Variants in NFATC1 observed in about 807,000 individuals in gnomAD.
NFATC1 encodes the protein nuclear factor of activated T cells 1, also known as nuclear factor of activated T-cells, cytoplasmic 1.
NFATC1 carries 22 observed loss-of-function variants against 76.0 expected under a neutral mutation model. That is an observed-to-expected ratio of 0.29 (90% CI 0.21 to 0.41). The LOEUF (loss-of-function observed/expected upper bound fraction) is 0.41. Among genes scored for constraint, NFATC1 ranks in the 10% least tolerant of loss-of-function variants. The probability of loss-of-function intolerance (pLI) is 1.00; values close to 1 mark genes in which losing one functional copy is unlikely to be tolerated. For synonymous variants in NFATC1, 704 were observed against 613.1 expected, an observed-to-expected ratio of 1.15 and a Z score of -2.19; for missense variants, 1,357 against 1,337.7, an observed-to-expected ratio of 1.01 and a Z score of -0.23.
intron 9 of NFATC1, among the ~76,000 whole-genome samples, chr18:79,494,308 C>G (rs1600919502): frequency 7.0e-6 from 1 of 142,788 alleles, no homozygotes; most frequent in Non-Finnish European, 1.5e-5. Flanking sequence ...CGGGCACACG[C>G]CCCCCATGAA....
At chr18:79,404,587 C>G (rs58704709) in intron 1 of NFATC1, among the ~76,000 whole-genome samples, 1 of 152,304 alleles carries the variant, frequency 6.6e-6, no homozygotes, top group African/African-American at 2.4e-5. Context: ...GGGGGTCGAC[C>G]TGTGGTTCAG....
intron 2 of NFATC1, among the ~76,000 whole-genome samples, chr18:79,428,421 C>T (rs765055880): frequency 5.9e-5 from 9 of 152,190 alleles, no homozygotes; most frequent in Non-Finnish European, 2.9e-5. Context: ...GTGGGTGAGC[C>T]GGACCCATTG....
intron 9 of NFATC1, among the ~76,000 whole-genome samples, chr18:79,489,473 C>G (rs1022220255): frequency 6.6e-6 from 1 of 152,226 alleles, no homozygotes; most frequent in Non-Finnish European, 1.5e-5. Context: ...AGCTGTAAAG[C>G]AGTCGCTCAC....
intron 1 of NFATC1, chr18:79,400,149 G>C: frequency 9.8e-7 from 1 of 1,024,640 alleles, no homozygotes; most frequent in East Asian, 6.0e-5. Flanking sequence ...GGGGGCGGGG[G>C]CGGGGGGGAC....
intron 9 of NFATC1, among the ~76,000 whole-genome samples, chr18:79,512,423 C>A (rs1366256325): frequency 6.6e-6 from 1 of 152,188 alleles, no homozygotes; most frequent in African/African-American, 2.4e-5. Flanking sequence ...ACACCCCGAA[C>A]TTTTGCTTTG....
intron 9 of NFATC1, among the ~76,000 whole-genome samples, chr18:79,502,875 G>A (rs1485391685): frequency 6.6e-6 from 1 of 152,210 alleles, no homozygotes; most frequent in Non-Finnish European, 1.5e-5. Flanking sequence ...GCTGGCAGGA[G>A]TGTAACATGG....
At chr18:79,476,715 G>A (rs888919454) in intron 8 of NFATC1, among the ~76,000 whole-genome samples, 1 of 152,228 alleles carries the variant, frequency 6.6e-6, no homozygotes, top group South Asian at 2.1e-4. Context: ...GGATGGGTGT[G>A]GGGGCAAAGT....
chr18:79,442,793 G>A (rs112711361), intron 3 of NFATC1, among the ~76,000 whole-genome samples: 15,972 of 152,124 alleles, frequency 0.1, 1,108 homozygotes, highest in Non-Finnish European at 0.15. Flanking sequence ...GCCCCAGCCC[G>A]GAGCTCAGCT....
intron 8 of NFATC1, among the ~76,000 whole-genome samples, chr18:79,473,981 C>T (rs1368855171): frequency 7.8e-6 from 1 of 128,774 alleles, no homozygotes; most frequent in African/African-American, 3.5e-5. Flanking sequence ...TCACTGTCGA[C>T]GTTGCGAGGG....
At chr18:79,401,396 C>T (rs116724883) in intron 1 of NFATC1, among the ~76,000 whole-genome samples, 7,911 of 152,226 alleles carry the variant, frequency 0.052, 351 homozygotes, top group African/African-American at 0.13. Context: ...TGAAAATAAG[C>T]GCTCCAACCA....
chr18:79,466,485 C>T (rs908549116), intron 7 of NFATC1, among the ~76,000 whole-genome samples: 4 of 152,204 alleles, frequency 2.6e-5, no homozygotes, highest in African/African-American at 9.7e-5. Flanking sequence ...CGGTTGGGGT[C>T]TCCGTGTCCC....
At chr18:79,466,330 T>C (rs2088491911) in intron 7 of NFATC1, among the ~76,000 whole-genome samples, 1 of 152,244 alleles carries the variant, frequency 6.6e-6, no homozygotes. Flanking sequence ...AACTAAGTCA[T>C]ATGATTATAA....
At chr18:79,482,435 G>GT (rs111323788) in intron 8 of NFATC1, among the ~76,000 whole-genome samples, 26 of 120,808 alleles carry the variant, frequency 2.2e-4, no homozygotes, top group South Asian at 2.8e-4. Flanking sequence ...GCGTGACCTG[G>GT]TCCTGGGGTG....
intron 2 of NFATC1, among the ~76,000 whole-genome samples, chr18:79,414,471 C>T (rs902348339): frequency 2.0e-5 from 3 of 152,218 alleles, no homozygotes; most frequent in Non-Finnish European, 4.4e-5. Flanking sequence ...GCTTGTTCAG[C>T]ACCTGTGGCC....
chr18:79,438,868 A>G (rs56372496), intron 3 of NFATC1, among the ~76,000 whole-genome samples: 20,718 of 152,206 alleles, frequency 0.14, 1,684 homozygotes, highest in Non-Finnish European at 0.18. Context: ...TCCATTGCCC[A>G]GCTTGTAGGT....
intron 3 of NFATC1, among the ~76,000 whole-genome samples, chr18:79,434,287 C>A (rs2086696597): frequency 6.6e-6 from 1 of 152,228 alleles, no homozygotes; most frequent in Non-Finnish European, 1.5e-5. Flanking sequence ...GCAGCCGCGT[C>A]CCTGCTGGGG....
intron 3 of NFATC1, among the ~76,000 whole-genome samples, chr18:79,444,772 C>T (rs1387947735): frequency 1.4e-5 from 2 of 147,406 alleles, no homozygotes; most frequent in Middle Eastern, 3.2e-3. Context: ...ACCGGCGCTG[C>T]ACACACAGGC....
chr18:79,518,672 C>T (rs574123555), intron 9 of NFATC1, among the ~76,000 whole-genome samples: 1 of 152,362 alleles, frequency 6.6e-6, no homozygotes, highest in South Asian at 2.1e-4. Context: ...CTCCTGCCCC[C>T]GCTACTCACC....
chr18:79,411,091 C>T lies in NFATC1; in HGVS notation c.816C>T (p.Gly272=), dbSNP rs762467953. The T allele has an allele frequency of 6.2e-7, 1 of 1,612,108 alleles. No individual in the cohort carries two copies. Among genetic ancestry groups the T allele is most frequent in the South Asian group, 1.1e-5 (1 of 91,068 alleles). Residue 272 remains glycine, a synonymous_variant, in exon 2 of 10, where the codon GGC becomes GGT. Coordinates refer to ENST00000427363, the MANE Select transcript of NFATC1 (RefSeq NM_001278669.2). ...ACAAGAGGAAGTACAGCCTCAACGG[C>T]CGGCAGCCGCCCTACTCACCCCACC... is the stretch of plus-strand genomic sequence containing the variant. ...PCNKRKYSLN[G]RQPPYSPHHS...
Sources: gnomAD v4.1 joint callset for allele counts (sites outside exome capture counted in the v4.1 genomes callset) on GRCh38, gnomAD v4.1.1 for gene constraint, MANE v1.5 for transcripts, NCBI Gene and HGNC (gene_info 2026-07-23, HGNC 2026-07-21) for gene names.